Variants in RNF180 observed in about 807,000 individuals in gnomAD.
RNF180 encodes ring finger protein 180, also known as E3 ubiquitin-protein ligase RNF180.
RNF180 carries 38 observed loss-of-function variants against 59.2 expected under a neutral mutation model. The observed-to-expected ratio is 0.64, with a 90% CI of 0.50 to 0.84. RNF180 has a LOEUF of 0.84. Among genes scored for constraint, RNF180 ranks in the 40% least tolerant of loss-of-function variants. The pLI, the probability that RNF180 is intolerant of heterozygous loss-of-function variation, is 0.00. For missense variants in RNF180, 705 were observed against 700.9 expected (o/e 1.01, Z -0.07); for synonymous variants, 262 against 240.3 (o/e 1.09, Z -0.84).
Position 64,333,024 on chromosome 5 carries a change from TA to T in RNF180, c.1579+2620del, listed in dbSNP as rs374066568. On this transcript the variant is annotated intron_variant, in intron 7 of 7. Transcript: ENST00000389100. ...ATGAAATTGGTACTCTCAAAGAAAG[TA>T]ACATAAGAATATAACTTTACACAGT... Among the ~76,000 whole-genome samples the T allele has an allele frequency of 8.2e-3, 1,242 of 152,256 alleles. 7 individuals are homozygous for T. The highest frequency in any genetic ancestry group is 0.014 in the Non-Finnish European group (960 of 68,008).
intron 5 of RNF180, among the ~76,000 whole-genome samples, chr5:64,324,892 A>G (rs1476597435): frequency 6.6e-6 from 1 of 152,202 alleles, no homozygotes; most frequent in Non-Finnish European, 1.5e-5. Context: ...TGGGACTGGT[A>G]CACCTAACAC....
intron 5 of RNF180, among the ~76,000 whole-genome samples, chr5:64,259,814 G>A (rs552915788): frequency 5.3e-5 from 8 of 152,042 alleles, no homozygotes; most frequent in East Asian, 1.9e-4. Context: ...CCAGCTACTC[G>A]GGAGGCTGAG....
At chr5:64,340,725 C>T (rs1299907661) in intron 7 of RNF180, among the ~76,000 whole-genome samples, 2 of 151,936 alleles carry the variant, frequency 1.3e-5, no homozygotes, top group Non-Finnish European at 1.5e-5. Flanking sequence ...TGAACTTGTT[C>T]TTTTTAGCAG....
chr5:64,210,857 G>A (rs1160960345), intron 2 of RNF180, among the ~76,000 whole-genome samples: 1 of 152,140 alleles, frequency 6.6e-6, no homozygotes, highest in Non-Finnish European at 1.5e-5. Flanking sequence ...GAGATAGCAG[G>A]ATTTGCAGCA....
intron 6 of RNF180, among the ~76,000 whole-genome samples, 187 bp from the exon 7 acceptor site, chr5:64,330,094 G>A (rs1744833795): frequency 6.6e-6 from 1 of 152,140 alleles, no homozygotes; most frequent in East Asian, 1.9e-4. Context: ...TGCACCAAAT[G>A]TGAACTTGAG....
At chr5:64,183,759 A>AT in intron 1 of RNF180, among the ~76,000 whole-genome samples, 1 of 152,276 alleles carries the variant, frequency 6.6e-6, no homozygotes, top group African/African-American at 2.4e-5. Context: ...AAAAGTATAC[A>AT]TTTTTTGATG....
chr5:64,224,065 GT>G (rs1561200738), intron 5 of RNF180, among the ~76,000 whole-genome samples: 18 of 96,618 alleles, frequency 1.9e-4, no homozygotes, highest in Admixed American at 8.9e-4. Flanking sequence ...AGGTTGGGGT[GT>G]GTGTGTGTGT....
chr5:64,242,226 C>T (rs569864997), intron 5 of RNF180, among the ~76,000 whole-genome samples: 1 of 152,246 alleles, frequency 6.6e-6, no homozygotes, highest in African/African-American at 2.4e-5. Flanking sequence ...GGCACCCCAG[C>T]ACCACCTACA....
intron 5 of RNF180, among the ~76,000 whole-genome samples, chr5:64,307,324 G>C (rs1365949587): frequency 6.6e-6 from 1 of 151,412 alleles, no homozygotes; most frequent in Non-Finnish European, 1.5e-5. Context: ...TTAAGACTTG[G>C]TTAAACTGCA....
chr5:64,168,813 G>T (rs993586727), intron 1 of RNF180, among the ~76,000 whole-genome samples: 12 of 152,056 alleles, frequency 7.9e-5, no homozygotes, highest in African/African-American at 2.9e-4. Flanking sequence ...TGACCACACC[G>T]ATGTCAAAAG....
chr5:64,368,956 C>T (rs1746552385), intron 7 of RNF180, among the ~76,000 whole-genome samples: 1 of 152,116 alleles, frequency 6.6e-6, no homozygotes, highest in Non-Finnish European at 1.5e-5. Context: ...CATCCCATTA[C>T]TGGGTATATA....
intron 7 of RNF180, among the ~76,000 whole-genome samples, chr5:64,336,680 T>C (rs1185414469): frequency 1.3e-5 from 2 of 152,252 alleles, no homozygotes; most frequent in South Asian, 4.1e-4. Context: ...GATAATAGTT[T>C]AAGGTCATTT....
At chr5:64,281,875 C>T (rs1303705084) in intron 5 of RNF180, among the ~76,000 whole-genome samples, 3 of 151,980 alleles carry the variant, frequency 2.0e-5, no homozygotes, top group Non-Finnish European at 4.4e-5. Context: ...GTGGTTTTTC[C>T]TTTTAGTTCT....
intron 1 of RNF180, among the ~76,000 whole-genome samples, chr5:64,174,993 A>T (rs1579925482): frequency 9.5e-6 from 1 of 104,930 alleles, no homozygotes; most frequent in East Asian, 3.1e-4. Context: ...TTTGAGACGG[A>T]GTCTCGCTCT....
chr5:64,335,131 TATATGTG>T (rs746597114), intron 7 of RNF180, among the ~76,000 whole-genome samples: 1 of 152,214 alleles, frequency 6.6e-6, no homozygotes, highest in Non-Finnish European at 1.5e-5. Context: ...AACATATCTT[TATATGTG>T]TATTGATCAT....
intron 5 of RNF180, among the ~76,000 whole-genome samples, chr5:64,256,007 A>C (rs1227943885): frequency 5.9e-5 from 9 of 152,134 alleles, no homozygotes; most frequent in Non-Finnish European, 1.3e-4. Flanking sequence ...TCTTTTGAGA[A>C]GTGTCTGTTC....
At chr5:64,356,098 A>T (rs765970436) in intron 7 of RNF180, among the ~76,000 whole-genome samples, 2 of 151,828 alleles carry the variant, frequency 1.3e-5, no homozygotes, top group Non-Finnish European at 2.9e-5. Flanking sequence ...TCTAAAAAAA[A>T]AACAAATTGT....
intron 7 of RNF180, among the ~76,000 whole-genome samples, chr5:64,342,549 G>A (rs1745396750): frequency 6.6e-6 from 1 of 152,126 alleles, no homozygotes. Flanking sequence ...ATCTCTTGTA[G>A]TCTCAGAGTT....
At chr5:64,215,372 T>C (rs796962692) in intron 4 of RNF180, among the ~76,000 whole-genome samples, 31 of 152,356 alleles carry the variant, frequency 2.0e-4, no homozygotes, top group African/African-American at 7.0e-4. Context: ...ATTAGTTTTT[T>C]CTTTTAAAAA....
Sources: allele counts gnomAD v4.1 joint callset (sites outside exome capture counted in the v4.1 genomes callset), GRCh38; gene constraint gnomAD v4.1.1; transcripts MANE v1.5; gene names NCBI Gene and HGNC (gene_info 2026-07-23, HGNC 2026-07-21).